Variants in DMD observed in about 807,000 individuals in gnomAD.
DMD encodes the protein dystrophin.
Under a neutral mutation model 330.1 loss-of-function variants are expected in DMD, and 63 were observed. The observed-to-expected ratio is 0.19, with a 90% CI of 0.16 to 0.24. DMD has a LOEUF of 0.24. DMD is among the 10% of genes least tolerant of loss of function. DMD has a pLI of 1.00. For missense variants in DMD, 3,344 were observed against 2,684.1 expected, an observed-to-expected ratio of 1.25 and a Z score of -5.43; for synonymous variants, 1,223 against 959.8, an observed-to-expected ratio of 1.27 and a Z score of -5.07.
intron 50 of DMD, among the ~76,000 whole-genome samples, chrX:31,791,172 T>TAA (rs2091551454): frequency 8.9e-6 from 1 of 112,104 alleles, no homozygotes; most frequent in East Asian, 2.8e-4. Flanking sequence ...AAAGTCGTAC[T>TAA]CTTTACTCTT....
At chrX:32,671,997 TATG>T (rs1405248040) in intron 9 of DMD, among the ~76,000 whole-genome samples, 1 of 111,117 alleles carries the variant, frequency 9.0e-6, no homozygotes, top group Admixed American at 9.6e-5. Context: ...AAAAGAAAAA[TATG>T]ATGATATTGG....
rs143581154 is a variant in DMD at position 32,576,496 on chromosome X, G to A, written c.1603-2650C>T. On this transcript the variant is annotated intron_variant, in intron 13 of 78. Transcript: ENST00000357033. ...GACAGTGTTTCTAAGAACCTAGACA[G>A]GTACTGAGTAATGGGCGGGTAACAT... Among the ~76,000 whole-genome samples, 386 of 110,658 alleles carry A rather than the reference G, an allele frequency of 3.5e-3. 10 individuals are homozygous for A. In the East Asian group the frequency reaches 0.064, roughly 18 times the overall value.
chrX:32,765,537 T>C (rs1363283200), intron 7 of DMD, among the ~76,000 whole-genome samples: 1 of 111,429 alleles, frequency 9.0e-6, no homozygotes, highest in African/African-American at 3.3e-5. Flanking sequence ...TTTACCCAGT[T>C]TCAGATATTT....
chrX:31,670,896 T>C (rs1392212390), intron 53 of DMD, among the ~76,000 whole-genome samples: 1 of 109,851 alleles, frequency 9.1e-6, no homozygotes, highest in African/African-American at 3.4e-5. Flanking sequence ...GGGGACACTA[T>C]TCAATCCACA....
chrX:33,100,293 T>G (rs894204394), intron 1 of DMD, among the ~76,000 whole-genome samples: 1 of 112,265 alleles, frequency 8.9e-6, no homozygotes, highest in African/African-American at 3.2e-5. Flanking sequence ...AAGGAAAAAA[T>G]AAACTGTTTA....
At chrX:32,476,638 G>A (rs960070466) in intron 21 of DMD, among the ~76,000 whole-genome samples, 1 of 111,846 alleles carries the variant, frequency 8.9e-6, no homozygotes, top group Non-Finnish European at 1.9e-5. Flanking sequence ...ATTTGCAACG[G>A]TATAGAGTAT....
intron 2 of DMD, among the ~76,000 whole-genome samples, chrX:32,915,434 G>T (rs1280752221): frequency 8.9e-6 from 1 of 112,016 alleles, no homozygotes; most frequent in Non-Finnish European, 1.9e-5. Context: ...TCTTTTCTGG[G>T]AGAGGAAGGG....
intron 45 of DMD, among the ~76,000 whole-genome samples, chrX:31,950,716 C>A (rs1245554829): frequency 1.8e-5 from 2 of 110,554 alleles, no homozygotes; most frequent in Admixed American, 1.9e-4. Flanking sequence ...GCTTAATTGA[C>A]CCCTTATATA....
intron 29 of DMD, chrX:32,412,375 G>A (rs542352014): frequency 3.2e-5 from 6 of 188,077 alleles, no homozygotes; most frequent in Middle Eastern, 2.9e-3. Context: ...TCAGCTCCTT[G>A]TCAAAAACAG....
intron 44 of DMD, among the ~76,000 whole-genome samples, chrX:32,157,024 A>T (rs1240243009): frequency 8.9e-6 from 1 of 112,211 alleles, no homozygotes; most frequent in Admixed American, 9.4e-5. Context: ...GATAGATGAC[A>T]TTCTGATGTG....
intron 1 of DMD, among the ~76,000 whole-genome samples, chrX:33,078,899 C>A (rs1384817958): frequency 8.9e-6 from 1 of 112,094 alleles, no homozygotes; most frequent in Non-Finnish European, 1.9e-5. Context: ...TATACAAATA[C>A]AGTCCAAAGA....
chrX:32,110,160 G>A (rs1429146017), intron 44 of DMD, among the ~76,000 whole-genome samples: 1 of 111,928 alleles, frequency 8.9e-6, no homozygotes, highest in Non-Finnish European at 1.9e-5. Flanking sequence ...ATTAGGTGCT[G>A]CCTTCAATTC....
intron 51 of DMD, among the ~76,000 whole-genome samples, chrX:31,759,351 T>A (rs1449979490): frequency 9.0e-6 from 1 of 110,544 alleles, no homozygotes; most frequent in Non-Finnish European, 1.9e-5. Flanking sequence ...TCCCTTTTTA[T>A]CAGTGATCAA....
chrX:32,684,336 T>C (rs1458616673), intron 9 of DMD, among the ~76,000 whole-genome samples: 1 of 111,645 alleles, frequency 9.0e-6, no homozygotes, highest in Non-Finnish European at 1.9e-5. Flanking sequence ...AGCATGGTAT[T>C]AAGTATATAA....
rs969985324 is a variant in DMD, at chrX:32,030,537, A to T, written c.6439-62023T>A. On this transcript the variant is annotated intron_variant, in intron 44 of 78. Coordinates refer to ENST00000357033, the MANE Select transcript of DMD (RefSeq NM_004006.3). ...GATAGCAGTGATCAAACAGTCAAAAATTTCTGTCCATGTGAATCTTACACT... is the reference window on the plus strand; with the variant it reads ...GATAGCAGTGATCAAACAGTCAAAATTTTCTGTCCATGTGAATCTTACACT... 6.3e-5 allele frequency among the ~76,000 whole-genome samples: 7 copies of T among 111,975 alleles called. 1 individual carries two copies. The highest frequency in any genetic ancestry group is 2.3e-4 in the African/African-American group (7 of 30,803).
chrX:32,721,751 A>T (rs1037030322), intron 7 of DMD, among the ~76,000 whole-genome samples: 1 of 111,149 alleles, frequency 9.0e-6, no homozygotes. Context: ...ATATTCAAAA[A>T]ATCCTTGCAA....
At chrX:32,196,986 CAAA>C (rs71872245) in intron 44 of DMD, among the ~76,000 whole-genome samples, 2 of 49,640 alleles carry the variant, frequency 4.0e-5, no homozygotes, top group African/African-American at 9.7e-5. Context: ...GACTCCATCT[CAAA>C]AAAAAAAAAA....
chrX:31,889,002 C>G (rs1050707654), intron 47 of DMD, among the ~76,000 whole-genome samples: 1 of 112,045 alleles, frequency 8.9e-6, no homozygotes, highest in Admixed American at 9.5e-5. Context: ...GTGAAGTCCC[C>G]TGTGTCAAAT....
chrX:31,655,761 C>T (rs2080745809), intron 54 of DMD, among the ~76,000 whole-genome samples: 1 of 111,148 alleles, frequency 9.0e-6, no homozygotes, highest in Non-Finnish European at 1.9e-5. Context: ...CAAGAAGGCC[C>T]TTACCAGATT....
Sources: allele counts gnomAD v4.1 joint callset (sites outside exome capture counted in the v4.1 genomes callset), GRCh38; gene constraint gnomAD v4.1.1; transcripts MANE v1.5; gene names NCBI Gene and HGNC (gene_info 2026-07-23, HGNC 2026-07-21).